The following WT1 variants were observed in gnomAD, a reference collection of about 807,000 sequenced individuals.
WT1 encodes the protein WT1 transcription factor.
WT1 carries 8 observed loss-of-function variants against 60.8 expected under a neutral mutation model. That is an observed-to-expected ratio of 0.13 (90% CI 0.08 to 0.24). The LOEUF (loss-of-function observed/expected upper bound fraction) is 0.24, where lower values mean the gene tolerates loss of function less well. WT1 is among the 10% of genes least tolerant of loss of function. WT1 has a pLI of 1.00. For missense variants in WT1, 568 were observed against 711.8 expected, an observed-to-expected ratio of 0.80 and a Z score of 2.30; for synonymous variants, 312 against 297.1, an observed-to-expected ratio of 1.05 and a Z score of -0.52.
At chr11:32,428,118 T>A in intron 2 of WT1, 60 bp from the exon 3 acceptor site, 1 of 1,451,728 alleles carries the variant, frequency 6.9e-7, no homozygotes, top group Admixed American at 2.2e-5. Context: ...GGTGCGAGGC[T>A]GCGGGCAGGG....
In WT1 at chr11:32,435,383, G is replaced by A; in HGVS notation, c.-23C>T. On this transcript the variant is annotated 5_prime_UTR_variant, in exon 1 of 10. Transcript: ENST00000452863. ...CAGGATCGCGGCGAGGAGACGGCGG[G>A]GCCCGGGCGCCTGGGCTGCCGTCCC... The A allele has an allele frequency of 5.9e-6, 9 of 1,518,918 alleles. No individual in the cohort carries two copies. The highest frequency in any genetic ancestry group is 7.9e-6 in the Non-Finnish European group (9 of 1,136,464). 94.1% of individuals were successfully genotyped at this position (1,518,918 alleles called of 1,614,324 possible).
chr11:32,428,257 T>C (rs1023656728), intron 2 of WT1, among the ~76,000 whole-genome samples, 199 bp from the exon 3 acceptor site: 2 of 152,218 alleles, frequency 1.3e-5, no homozygotes, highest in African/African-American at 4.8e-5. Context: ...CGCTGCGCTG[T>C]GCACCAAAAA....
Position 32,435,377 on chromosome 11 carries a change from C to G in WT1, c.-17G>C, listed in dbSNP as rs2133108268. The G allele has an allele frequency of 4.8e-6, 6 of 1,247,944 alleles. No homozygotes were observed. The highest frequency in any genetic ancestry group is 4.1e-6 in the Non-Finnish European group (4 of 972,454). 77.3% of individuals were successfully genotyped at this position (1,247,944 alleles called of 1,614,324 possible). On this transcript the variant is annotated 5_prime_UTR_variant, in exon 1 of 10. Transcript: ENST00000452863. Reference sequence around the variant, plus strand: ...GAAGTCCAGGATCGCGGCGAGGAGACGGCGGGGCCCGGGCGCCTGGGCTGC... The same window carrying G: ...GAAGTCCAGGATCGCGGCGAGGAGAGGGCGGGGCCCGGGCGCCTGGGCTGC...
chr11:32,401,136 G>A (rs1002227689), intron 5 of WT1, among the ~76,000 whole-genome samples: 1 of 152,168 alleles, frequency 6.6e-6, no homozygotes, highest in Non-Finnish European at 1.5e-5. Flanking sequence ...ATAAATCAAA[G>A]AGAGTATCTT....
At chr11:32,416,593 C>T in intron 4 of WT1, 53 bp from the exon 5 acceptor site, 1 of 1,603,644 alleles carries the variant, frequency 6.2e-7, no homozygotes, top group Non-Finnish European at 8.5e-7. Context: ...ATGGATCTGG[C>T]AAGCCCCCCA....
rs1846009684 is a variant in WT1 at position 32,435,387 on chromosome 11, C to G, written c.-27G>C. 8.1e-7 allele frequency: 1 copy of G among 1,227,246 alleles called. No individual in the cohort carries two copies. The allele number at this position is 1,227,246 out of a possible 1,614,324, so 76.0% of individuals were successfully genotyped here. A position where few individuals can be genotyped will look rare whatever the true frequency, so the allele number is the denominator to read the frequency against. On this transcript the variant is annotated 5_prime_UTR_variant, in exon 1 of 10. Coordinates refer to ENST00000452863, the MANE Select transcript of WT1 (RefSeq NM_024426.6). The stretch of plus-strand genomic sequence containing the variant: ...ATCGCGGCGAGGAGACGGCGGGGCC[C>G]GGGCGCCTGGGCTGCCGTCCCGGCT...
chr11:32,414,516 C>G (rs1852603188), intron 5 of WT1, among the ~76,000 whole-genome samples: 1 of 152,214 alleles, frequency 6.6e-6, no homozygotes, highest in Non-Finnish European at 1.5e-5. Context: ...CTCAAGTGAT[C>G]CACCCACCTC....
At chr11:32,425,557 C>T (rs1853007125) in intron 3 of WT1, among the ~76,000 whole-genome samples, 1 of 152,184 alleles carries the variant, frequency 6.6e-6, no homozygotes, top group Admixed American at 6.5e-5. Flanking sequence ...CATTCCTACA[C>T]CTGCCCATTC....
intron 4 of WT1, 64 bp from the exon 5 acceptor site, chr11:32,416,604 G>T (rs1405571951): frequency 1.0e-5 from 16 of 1,595,608 alleles, no homozygotes; most frequent in Non-Finnish European, 1.3e-5. Context: ...AAGCCCCCCA[G>T]ATCCCAGAAT....
At chr11:32,423,826 T>C (rs1040659569) in intron 3 of WT1, among the ~76,000 whole-genome samples, 6 of 152,190 alleles carry the variant, frequency 3.9e-5, no homozygotes, top group African/African-American at 1.4e-4. Flanking sequence ...ACCTGGTGCA[T>C]GTTAAGTCTA....
At chr11:32,428,695 G>T (rs552787252) in intron 1 of WT1, 76 bp from the exon 2 acceptor site, 2 of 1,544,462 alleles carry the variant, frequency 1.3e-6, no homozygotes, top group Admixed American at 1.9e-5. Flanking sequence ...AACCAGCCAC[G>T]GGCGGGGGGG....
intron 3 of WT1, among the ~76,000 whole-genome samples, chr11:32,425,148 G>T (rs1852985387): frequency 7.0e-6 from 1 of 143,608 alleles, no homozygotes; most frequent in African/African-American, 2.6e-5. Context: ...CTGCACTCCA[G>T]CCTGGGCGAC....
chr11:32,393,645 G>A (rs891258924), intron 7 of WT1, among the ~76,000 whole-genome samples: 2 of 152,202 alleles, frequency 1.3e-5, no homozygotes, highest in Non-Finnish European at 2.9e-5. Flanking sequence ...CTATGCCAGA[G>A]CTCACATCCT....
At chr11:32,430,858 G>T in intron 1 of WT1, 1 of 1,233,528 alleles carries the variant, frequency 8.1e-7, no homozygotes, top group African/African-American at 1.5e-5. Flanking sequence ...AAGCTTATCG[G>T]ACACGGGTTT....
At chr11:32,419,354 T>C (rs1020856176) in intron 3 of WT1, among the ~76,000 whole-genome samples, 2 of 152,202 alleles carry the variant, frequency 1.3e-5, no homozygotes, top group Non-Finnish European at 2.9e-5. Flanking sequence ...ATCTTACCAT[T>C]AATCTCAGCC....
intron 7 of WT1, among the ~76,000 whole-genome samples, chr11:32,395,246 C>T (rs1262565176): frequency 6.6e-6 from 1 of 152,198 alleles, no homozygotes; most frequent in East Asian, 1.9e-4. Flanking sequence ...GTGGAAAAGG[C>T]AGCAGTAGCT....
chr11:32,430,467 A>AGAGAGAGAGAGAGAGAGAGAGAGG (rs1471197977), intron 1 of WT1: 15 of 1,483,518 alleles, frequency 1.0e-5, no homozygotes, highest in African/African-American at 8.7e-5. Flanking sequence ...AGAGAGAGAG[A>AGAGAGAGAGAGAGAGAGAGAGAGG]GAGAGAGAGA....
chr11:32,392,576 C>G (rs1314947514), intron 8 of WT1, 90 bp downstream of exon 8: 3 of 1,271,136 alleles, frequency 2.4e-6, no homozygotes, highest in South Asian at 2.4e-5. Context: ...GGCTGACTCT[C>G]TCATTCATAT....
At chr11:32,408,535 AAAAAAAAAG>A in intron 5 of WT1, among the ~76,000 whole-genome samples, 1 of 148,806 alleles carries the variant, frequency 6.7e-6, no homozygotes, top group Non-Finnish European at 1.5e-5. Flanking sequence ...AAAAAAAAAA[AAAAAAAAAG>A]AAAGAAAGAA....
Sources: gnomAD v4.1 joint callset for allele counts (sites outside exome capture counted in the v4.1 genomes callset) on GRCh38, gnomAD v4.1.1 for gene constraint, MANE v1.5 for transcripts, NCBI Gene and HGNC (gene_info 2026-07-23, HGNC 2026-07-21) for gene names.